Variants in GULP1 observed in about 807,000 individuals in gnomAD.
The protein encoded by GULP1 is GULP PTB domain containing engulfment adaptor 1.
A neutral mutation model predicts 40.9 loss-of-function variants in GULP1; 19 were observed. The ratio of observed to expected loss-of-function variants is 0.46; its 90% CI spans 0.32 to 0.68. The LOEUF is 0.68. Among genes scored for constraint, GULP1 ranks in the 30% least tolerant of loss-of-function variants. GULP1 has a pLI of 0.03. For synonymous variants in GULP1, 119 were observed against 117.6 expected, an observed-to-expected ratio of 1.01 and a Z score of -0.08; for missense variants, 312 against 362.2, an observed-to-expected ratio of 0.86 and a Z score of 1.12.
intron 2 of GULP1, among the ~76,000 whole-genome samples, chr2:188,467,579 C>G (rs939595002): frequency 6.6e-6 from 1 of 151,898 alleles, no homozygotes; most frequent in Non-Finnish European, 1.5e-5. Flanking sequence ...GTAATACATC[C>G]GTAAGCTGTA....
intron 2 of GULP1, among the ~76,000 whole-genome samples, chr2:188,397,280 T>G (rs1416618425): frequency 2.0e-5 from 3 of 152,200 alleles, no homozygotes; most frequent in Non-Finnish European, 4.4e-5. Flanking sequence ...AGTAGGTACG[T>G]TTTTTACAAG....
At chr2:188,559,130 A>G (rs1257344665) in intron 7 of GULP1, among the ~76,000 whole-genome samples, 2 of 152,238 alleles carry the variant, frequency 1.3e-5, no homozygotes, top group African/African-American at 4.8e-5. Context: ...AGGTCTTCAC[A>G]GCAGTCCCTC....
At chr2:188,459,567 T>C (rs918273673) in intron 2 of GULP1, among the ~76,000 whole-genome samples, 25 of 152,290 alleles carry the variant, frequency 1.6e-4, no homozygotes, top group Middle Eastern at 6.8e-3. Flanking sequence ...ATTCTGGTTA[T>C]TAATCCCTTG....
At chr2:188,339,209 A>G (rs1301263380) in intron 1 of GULP1, among the ~76,000 whole-genome samples, 1 of 152,232 alleles carries the variant, frequency 6.6e-6, no homozygotes, top group African/African-American at 2.4e-5. Context: ...CACTTTGAAT[A>G]TCAGTTTAAA....
At chr2:188,588,036 T>C in intron 11 of GULP1, 87 bp downstream of exon 11, 1 of 787,590 alleles carries the variant, frequency 1.3e-6, no homozygotes. Flanking sequence ...AACTATGGTT[T>C]CCTTCAATTA....
intron 1 of GULP1, among the ~76,000 whole-genome samples, chr2:188,327,589 T>G (rs1489764129): frequency 6.6e-6 from 1 of 152,132 alleles, no homozygotes; most frequent in Non-Finnish European, 1.5e-5. Context: ...CTGCATCTTA[T>G]TCACATGACC....
At chr2:188,582,221 T>C in intron 9 of GULP1, 1 of 362,720 alleles carries the variant, frequency 2.8e-6, no homozygotes, top group East Asian at 7.4e-5. Flanking sequence ...GAAAAGTTAC[T>C]GTGAAATGAT....
At chr2:188,354,407 A>G (rs375983379) in intron 1 of GULP1, among the ~76,000 whole-genome samples, 1 of 152,086 alleles carries the variant, frequency 6.6e-6, no homozygotes, top group Admixed American at 6.5e-5. Flanking sequence ...CTCAGCTACA[A>G]CCAAATTCCC....
Position 188,467,231 on chromosome 2 carries a change from A to G in GULP1, c.-44-10428A>G, listed in dbSNP as rs560240415. On this transcript the variant is annotated intron_variant, in intron 2 of 11. Coordinates refer to ENST00000409830, the MANE Select transcript of GULP1 (RefSeq NM_016315.4). ...TTGGAAAGACCTGGAATTAAACTGG[A>G]ACAAAGAGTAGAGAGTTCTTGTTGC... 5.9e-5 allele frequency among the ~76,000 whole-genome samples: 9 copies of G among 152,302 alleles called. No individual in the cohort carries two copies. In the South Asian group the frequency reaches 1.2e-3, roughly 21 times the overall value.
chr2:188,566,533 A>T (rs1697714605), intron 7 of GULP1, among the ~76,000 whole-genome samples: 1 of 152,036 alleles, frequency 6.6e-6, no homozygotes, highest in Admixed American at 6.6e-5. Flanking sequence ...ATGTCTCGTT[A>T]AAAGGATACA....
chr2:188,420,597 G>A (rs1331800615), intron 2 of GULP1, among the ~76,000 whole-genome samples: 3 of 152,160 alleles, frequency 2.0e-5, no homozygotes, highest in Admixed American at 6.5e-5. Flanking sequence ...CAGAGAGGGT[G>A]TAAGTCAGAA....
intron 7 of GULP1, among the ~76,000 whole-genome samples, chr2:188,551,736 T>A (rs1305301699): frequency 1.3e-5 from 2 of 151,740 alleles, no homozygotes; most frequent in East Asian, 3.9e-4. Context: ...GCAGGTTTTT[T>A]TTTGAAATCT....
chr2:188,577,935 T>G (rs1700485553), intron 9 of GULP1, among the ~76,000 whole-genome samples: 1 of 152,148 alleles, frequency 6.6e-6, no homozygotes, highest in South Asian at 2.1e-4. Context: ...TTTAATGTTA[T>G]TTATAATTTT....
At chr2:188,469,177 C>G (rs1333231569) in intron 2 of GULP1, among the ~76,000 whole-genome samples, 1 of 152,112 alleles carries the variant, frequency 6.6e-6, no homozygotes, top group East Asian at 1.9e-4. Flanking sequence ...CCAGTTTGGT[C>G]AGTGGCCCAA....
intron 1 of GULP1, among the ~76,000 whole-genome samples, chr2:188,359,849 G>T (rs968526809): frequency 6.6e-6 from 1 of 152,172 alleles, no homozygotes; most frequent in African/African-American, 2.4e-5. Flanking sequence ...ATGAGATGCT[G>T]CTTATGCACT....
chr2:188,586,502 C>G (rs185153959), intron 10 of GULP1, among the ~76,000 whole-genome samples: 251 of 152,216 alleles, frequency 1.6e-3, no homozygotes, highest in Non-Finnish European at 2.3e-3. Context: ...ATTGCCTGAG[C>G]AACACTAAAC....
intron 1 of GULP1, among the ~76,000 whole-genome samples, chr2:188,355,759 A>G (rs2045214332): frequency 6.6e-6 from 1 of 152,098 alleles, no homozygotes; most frequent in East Asian, 1.9e-4. Flanking sequence ...TTGAACATAG[A>G]TGCAAAAATG....
intron 2 of GULP1, among the ~76,000 whole-genome samples, chr2:188,448,894 A>G (rs2058614950): frequency 6.6e-6 from 1 of 152,172 alleles, no homozygotes; most frequent in Non-Finnish European, 1.5e-5. Flanking sequence ...GCCATGCAAC[A>G]TGCCTGCTCC....
At chr2:188,393,314 T>A (rs955128034) in intron 2 of GULP1, among the ~76,000 whole-genome samples, 1 of 152,028 alleles carries the variant, frequency 6.6e-6, no homozygotes, top group Non-Finnish European at 1.5e-5. Flanking sequence ...TAGACTGATT[T>A]TTTTATTATT....
Sources: gnomAD v4.1 joint callset for allele counts (sites outside exome capture counted in the v4.1 genomes callset) on GRCh38, gnomAD v4.1.1 for gene constraint, MANE v1.5 for transcripts, NCBI Gene and HGNC (gene_info 2026-07-23, HGNC 2026-07-21) for gene names.